The following PARD3 variants were observed in gnomAD, a reference collection of about 807,000 sequenced individuals.
PARD3 encodes the protein par-3 family cell polarity regulator, also known as partitioning defective 3 homolog.
PARD3 carries 75 observed loss-of-function variants against 155.4 expected under a neutral mutation model. That is an observed-to-expected ratio of 0.48 (90% CI 0.40 to 0.58). The LOEUF is 0.58. Among genes scored for constraint, PARD3 ranks in the 20% least tolerant of loss-of-function variants. The probability of loss-of-function intolerance (pLI) is 0.00; values close to 1 mark genes in which losing one functional copy is unlikely to be tolerated. For synonymous variants in PARD3, 576 were observed against 610.5 expected (o/e 0.94, Z 0.83); for missense variants, 1,642 against 1,721.7 (o/e 0.95, Z 0.82).
At chr10:34,430,754 G>T (rs2075858527) in intron 5 of PARD3, among the ~76,000 whole-genome samples, 1 of 152,172 alleles carries the variant, frequency 6.6e-6, no homozygotes, top group African/African-American at 2.4e-5. Flanking sequence ...ACTGCATAAG[G>T]AAGAAAGAGG....
intron 2 of PARD3, among the ~76,000 whole-genome samples, chr10:34,560,960 T>A (rs777630058): frequency 1.3e-5 from 2 of 152,132 alleles, no homozygotes; most frequent in African/African-American, 4.8e-5. Flanking sequence ...TGTGCGCAGG[T>A]GAGGACTCCC....
At chr10:34,703,629 A>T (rs544782160) in intron 1 of PARD3, among the ~76,000 whole-genome samples, 1 of 152,218 alleles carries the variant, frequency 6.6e-6, no homozygotes, top group Non-Finnish European at 1.5e-5. Flanking sequence ...ATGTTTCCAC[A>T]TTAAAAAGTT....
intron 22 of PARD3, among the ~76,000 whole-genome samples, chr10:34,186,708 G>A (rs1230757551): frequency 2.6e-5 from 4 of 152,124 alleles, no homozygotes; most frequent in Non-Finnish European, 2.9e-5. Flanking sequence ...CCTGTGACCC[G>A]TCAGCCTCTC....
intron 2 of PARD3, among the ~76,000 whole-genome samples, chr10:34,620,831 C>T (rs566874022): frequency 7.2e-5 from 11 of 152,294 alleles, no homozygotes; most frequent in African/African-American, 1.7e-4. Flanking sequence ...GCACCCATTC[C>T]TTAGAATAGG....
rs141049338 is a variant in PARD3 at position 34,189,593 on chromosome 10, T to C, written c.3420-58010A>G. Among the ~76,000 whole-genome samples the C allele has an allele frequency of 4.6e-3, 702 of 152,292 alleles. 6 individuals are homozygous for C. Among genetic ancestry groups the C allele is most frequent in the African/African-American group, 0.016 (675 of 41,564 alleles). ...TAAGTATTAATTTGGTAAATCCTGA[T>C]CCTGAGTAAGTATCTTTTAAATAGT... On this transcript the variant is annotated intron_variant, in intron 22 of 24. Coordinates refer to ENST00000374788, the MANE Select transcript of PARD3 (RefSeq NM_001184785.2).
chr10:34,231,433 T>G (rs1022748863), intron 22 of PARD3, among the ~76,000 whole-genome samples: 3 of 152,008 alleles, frequency 2.0e-5, no homozygotes, highest in African/African-American at 7.3e-5. Flanking sequence ...GTCTATGGCA[T>G]ATTCCAAACC....
chr10:34,261,591 A>G (rs574883985), intron 22 of PARD3, among the ~76,000 whole-genome samples: 1 of 152,136 alleles, frequency 6.6e-6, no homozygotes, highest in South Asian at 2.1e-4. Context: ...CAGGAGGCTG[A>G]GGCAGAAGAA....
rs945997842 is a variant in PARD3 at position 34,451,089 on chromosome 10, C to A, written c.583-641G>T. Among the ~76,000 whole-genome samples, 3 of 152,250 alleles carry A rather than the reference C, an allele frequency of 2.0e-5. No individual in the cohort carries two copies. The East Asian group carries it at 5.8e-4, about 29-fold the overall frequency. Reference sequence around the variant, plus strand: ...TTCACTGTGACATGGATATAACAAGCGATGTCTTTACATAAATATTTATCA... The same window carrying A: ...TTCACTGTGACATGGATATAACAAGAGATGTCTTTACATAAATATTTATCA... On this transcript the variant is annotated intron_variant, in intron 4 of 24. Transcript: ENST00000374788.
chr10:34,758,260 C>CGGAA (rs1208021976), intron 1 of PARD3, among the ~76,000 whole-genome samples: 219 of 152,306 alleles, frequency 1.4e-3, no homozygotes, highest in African/African-American at 5.0e-3. Context: ...CCAACAATTT[C>CGGAA]CACATGCCAC....
chr10:34,330,112 C>T (rs551136229), intron 19 of PARD3, among the ~76,000 whole-genome samples: 7 of 152,158 alleles, frequency 4.6e-5, no homozygotes, highest in African/African-American at 1.7e-4. Context: ...TCCAACTATT[C>T]GTACAATAGT....
chr10:34,402,567 T>G (rs1389111154), intron 5 of PARD3, among the ~76,000 whole-genome samples: 3 of 152,204 alleles, frequency 2.0e-5, no homozygotes, highest in African/African-American at 4.8e-5. Flanking sequence ...AATGGACCAC[T>G]TTTGTTTACT....
At chr10:34,565,400 T>C (rs116794382) in intron 2 of PARD3, among the ~76,000 whole-genome samples, 3,683 of 150,814 alleles carry the variant, frequency 0.024, 147 homozygotes, top group African/African-American at 0.085. Context: ...CTCGAGTAGC[T>C]GGGATTACAG....
At chr10:34,420,512 C>T (rs753073828) in intron 5 of PARD3, among the ~76,000 whole-genome samples, 13 of 152,124 alleles carry the variant, frequency 8.5e-5, no homozygotes, top group Non-Finnish European at 7.4e-5. Context: ...GAATTCAATG[C>T]GCCTCACTAT....
chr10:34,525,087 T>C (rs1305478599), intron 2 of PARD3, among the ~76,000 whole-genome samples: 2 of 152,202 alleles, frequency 1.3e-5, no homozygotes, highest in Non-Finnish European at 1.5e-5. Flanking sequence ...CTCATTTAAA[T>C]AGAGCTAGTG....
rs540114777 is a variant in PARD3, at chr10:34,470,984, C to T, written c.404-721G>A. On this transcript the variant is annotated intron_variant, in intron 3 of 24. Coordinates refer to ENST00000374788, the MANE Select transcript of PARD3 (RefSeq NM_001184785.2). The stretch of plus-strand genomic sequence containing the variant: ...ATGTATCAAAACATCACATATTCTC[C>T]GTAAATACATAAAATTATGTATCAA... Among the ~76,000 whole-genome samples the T allele has an allele frequency of 6.8e-4, 104 of 152,162 alleles. 1 individual carries two copies. The South Asian group carries it at 7.5e-3, about 11-fold the overall frequency.
At chr10:34,151,539 T>C (rs1948783318) in intron 22 of PARD3, among the ~76,000 whole-genome samples, 1 of 152,238 alleles carries the variant, frequency 6.6e-6, no homozygotes, top group African/African-American at 2.4e-5. Flanking sequence ...ACATTTTTTA[T>C]CCATTTTGTA....
chr10:34,136,371 C>G (rs1238040556), intron 22 of PARD3, among the ~76,000 whole-genome samples: 2 of 152,134 alleles, frequency 1.3e-5, no homozygotes, highest in Middle Eastern at 3.2e-3. Flanking sequence ...TGTGATGTGA[C>G]TGATTAATTC....
At chr10:34,211,599 T>C (rs976575045) in intron 22 of PARD3, among the ~76,000 whole-genome samples, 1 of 152,060 alleles carries the variant, frequency 6.6e-6, no homozygotes, top group Non-Finnish European at 1.5e-5. Flanking sequence ...CTGGCCAACA[T>C]GGTGAAACCT....
In PARD3 at chr10:34,470,214, G is replaced by A; in HGVS notation, c.453C>T (p.Leu151=). Residue 151 remains leucine (L), a synonymous_variant, in exon 4 of 25, where the codon CTC becomes CTT. Transcript: ENST00000374788. The part of the protein sequence containing the change: ...RRSSDPALIG[L]STSVSDSNFS... ...AATTACTATCACTGACAGAAGTGGAGAGGCCAATTAGAGCTGGGTCACTAC... is the reference window on the plus strand; with the variant it reads ...AATTACTATCACTGACAGAAGTGGAAAGGCCAATTAGAGCTGGGTCACTAC... The A allele has an allele frequency of 1.2e-6, 2 of 1,613,022 alleles. No homozygotes were observed. The highest frequency in any genetic ancestry group is 1.7e-5 in the Admixed American group (1 of 59,886).
Sources: allele counts gnomAD v4.1 joint callset (sites outside exome capture counted in the v4.1 genomes callset), GRCh38; gene constraint gnomAD v4.1.1; transcripts MANE v1.5; gene names NCBI Gene and HGNC (gene_info 2026-07-23, HGNC 2026-07-21).